The following C11orf65 variants were observed in gnomAD, a reference collection of about 807,000 sequenced individuals.
C11orf65 encodes the protein protein MFI.
Under a neutral mutation model 35.3 loss-of-function variants are expected in C11orf65, and 38 were observed. The ratio of observed to expected loss-of-function variants is 1.08; its 90% confidence interval spans 0.83 to 1.41. The LOEUF (loss-of-function observed/expected upper bound fraction) is 1.41, where lower values mean the gene tolerates loss of function less well. Ranked by LOEUF, C11orf65 falls within the 40% of genes most tolerant of loss-of-function variation. C11orf65 has a pLI of 0.00. For synonymous variants in C11orf65, 105 were observed against 114.4 expected (o/e 0.92, Z 0.53); for missense variants, 370 against 367.1 (o/e 1.01, Z -0.06).
chr11:108,431,780 G>T lies in C11orf65; in HGVS notation c.140C>A (p.Pro47Gln). The T allele has an allele frequency of 6.6e-7, 1 of 1,521,686 alleles. No individual in the cohort carries two copies. The highest frequency in any genetic ancestry group is 1.3e-5 in the South Asian group (1 of 76,184). The allele number at this position is 1,521,686 out of a possible 1,614,324, so 94.3% of individuals were successfully genotyped here. A position where few individuals can be genotyped will look rare whatever the true frequency, so the allele number is the denominator to read the frequency against. The change falls in exon 3 of 9, where the codon CCA becomes CAA. Residue 47 changes from proline to glutamine, a missense_variant. Pro to Gln is a moderately conservative substitution (Grantham distance 76). Coordinates refer to ENST00000393084, the MANE Select transcript of C11orf65 (RefSeq NM_152587.5). ...SLIDLRRQGE[P>Q]RQIVKYINPK... ...ATTAATATATTTCACTATCTGACGTGGTTCTCCTTGTCTTCTTAAATCAAT... is the reference window on the plus strand; with the variant it reads ...ATTAATATATTTCACTATCTGACGTTGTTCTCCTTGTCTTCTTAAATCAAT...
At chr11:108,459,726 T>TACGCGCGCAC (rs915851145) in intron 2 of C11orf65, among the ~76,000 whole-genome samples, 12 of 138,666 alleles carry the variant, frequency 8.7e-5, no homozygotes, top group African/African-American at 3.2e-4. Flanking sequence ...GTCCTCCGTC[T>TACGCGCGCAC]ACACACACAC....
At chr11:108,466,958 T>C (rs1184653951) in intron 1 of C11orf65, among the ~76,000 whole-genome samples, 3 of 139,808 alleles carry the variant, frequency 2.1e-5, no homozygotes, top group African/African-American at 2.7e-5. Flanking sequence ...TTACCTGTGG[T>C]CCTTGATGCT....
At chr11:108,327,140 TTTGA>T (rs1233379008), downstream of C11orf65, among the ~76,000 whole-genome samples, 1 of 152,190 alleles carries the variant, frequency 6.6e-6, no homozygotes, top group Non-Finnish European at 1.5e-5. Flanking sequence ...TACTGTACTT[TTTGA>T]TGTTGGGCAC....
chr11:108,368,746 T>C (rs567730651), intron 2 of C11orf65: 3 of 212,832 alleles, frequency 1.4e-5, no homozygotes, highest in African/African-American at 6.8e-5. Context: ...CACCCTACTT[T>C]GTGCAGGTCA....
chr11:108,407,710 C>T (rs1484168491), intron 3 of C11orf65, among the ~76,000 whole-genome samples: 1 of 150,400 alleles, frequency 6.6e-6, no homozygotes, highest in Non-Finnish European at 1.5e-5. Context: ...TTTGGGAGGC[C>T]GAGGTGGGTG....
chr11:108,458,295 G>A (rs1400371422), intron 2 of C11orf65, among the ~76,000 whole-genome samples: 2 of 150,054 alleles, frequency 1.3e-5, no homozygotes, highest in East Asian at 3.9e-4. Flanking sequence ...CACTTGAACT[G>A]GGAGGCGCCA....
At chr11:108,314,497 T>C (rs1378980013) in intron 6 of C11orf65, among the ~76,000 whole-genome samples, 2 of 152,024 alleles carry the variant, frequency 1.3e-5, no homozygotes, top group Non-Finnish European at 2.9e-5. Flanking sequence ...GGTCGGTACT[T>C]ATTTCTTATC....
intron 1 of C11orf65, 126 bp from the exon 2 acceptor site, chr11:108,461,694 G>T (rs565133055): frequency 1.7e-6 from 1 of 596,740 alleles, no homozygotes; most frequent in Non-Finnish European, 2.9e-6. Context: ...GTGGTGCGAT[G>T]ATAGCTCACT....
chr11:108,433,794 AG>A (rs1046726011), intron 2 of C11orf65, among the ~76,000 whole-genome samples: 20 of 151,964 alleles, frequency 1.3e-4, no homozygotes, highest in Non-Finnish European at 2.4e-4. Flanking sequence ...TATACATTAC[AG>A]CTTCACTTGC....
chr11:108,456,821 A>G (rs1723332209), intron 2 of C11orf65, among the ~76,000 whole-genome samples: 1 of 102,844 alleles, frequency 9.7e-6, no homozygotes, highest in Admixed American at 8.5e-5. Flanking sequence ...AAGGAAAGAA[A>G]GAGAAAAAGT....
intron 3 of C11orf65, among the ~76,000 whole-genome samples, chr11:108,417,576 A>C (rs2092756072): frequency 6.6e-6 from 1 of 152,058 alleles, no homozygotes; most frequent in Non-Finnish European, 1.5e-5. Context: ...AACAAAAAAA[A>C]ACCTGCTGCC....
downstream of C11orf65, among the ~76,000 whole-genome samples, chr11:108,380,368 T>C (rs1048411713): frequency 2.0e-5 from 3 of 152,222 alleles, no homozygotes; most frequent in African/African-American, 7.2e-5. Context: ...ATTGACTCAT[T>C]GGTCAGGTAC....
At chr11:108,438,139 C>G (rs1352613888) in intron 2 of C11orf65, among the ~76,000 whole-genome samples, 1 of 152,100 alleles carries the variant, frequency 6.6e-6, no homozygotes, top group Non-Finnish European at 1.5e-5. Context: ...GGTTTCAAAA[C>G]CATTCAATGA....
chr11:108,328,314 T>A (rs1375696937), downstream of C11orf65, among the ~76,000 whole-genome samples: 1 of 152,224 alleles, frequency 6.6e-6, no homozygotes, highest in Non-Finnish European at 1.5e-5. Context: ...TGGCGCAATC[T>A]CGGCTCACTG....
intron 2 of C11orf65, among the ~76,000 whole-genome samples, chr11:108,450,931 G>A (rs1344529801): frequency 6.6e-6 from 1 of 151,886 alleles, no homozygotes; most frequent in Non-Finnish European, 1.5e-5. Flanking sequence ...AATAGATGCA[G>A]AAACGGCCTT....
intron 6 of C11orf65, among the ~76,000 whole-genome samples, chr11:108,322,857 A>G (rs2085335503): frequency 6.6e-6 from 1 of 151,582 alleles, no homozygotes; most frequent in Non-Finnish European, 1.5e-5. Flanking sequence ...GCATTGCATT[A>G]CTGTCATTTT....
chr11:108,418,016 T>G (rs2092764691), intron 3 of C11orf65, among the ~76,000 whole-genome samples: 1 of 151,176 alleles, frequency 6.6e-6, no homozygotes, highest in African/African-American at 2.4e-5. Context: ...TACCAGAAAT[T>G]TGAGACCTTA....
chr11:108,402,690 C>G (rs778169262), intron 6 of C11orf65, among the ~76,000 whole-genome samples: 4 of 151,736 alleles, frequency 2.6e-5, no homozygotes, highest in Non-Finnish European at 5.9e-5. Flanking sequence ...AAAAATAAAT[C>G]TATCCATCAC....
chr11:108,345,535 T>G (rs1389076800), intron 2 of C11orf65, among the ~76,000 whole-genome samples: 1 of 152,180 alleles, frequency 6.6e-6, no homozygotes, highest in Non-Finnish European at 1.5e-5. Context: ...TAGGTGTGCT[T>G]CCTCCCCCAA....
Sources: gnomAD v4.1 joint callset for allele counts (sites outside exome capture counted in the v4.1 genomes callset) on GRCh38, gnomAD v4.1.1 for gene constraint, MANE v1.5 for transcripts, NCBI Gene and HGNC (gene_info 2026-07-23, HGNC 2026-07-21) for gene names.